Variants in LRBA observed in about 807,000 individuals in gnomAD.
The protein encoded by LRBA is lipopolysaccharide-responsive and beige-like anchor protein.
Under a neutral mutation model 330.0 loss-of-function variants are expected in LRBA, and 176 were observed. The observed-to-expected ratio is 0.53, with a 90% CI of 0.47 to 0.60. The LOEUF is 0.60. Ranked by LOEUF, LRBA falls within the 20% of genes least tolerant of loss-of-function variation. LRBA has a pLI of 0.00. For missense variants in LRBA, 3,259 were observed against 3,444.8 expected, an observed-to-expected ratio of 0.95 and a Z score of 1.35; for synonymous variants, 1,230 against 1,193.0, an observed-to-expected ratio of 1.03 and a Z score of -0.64.
chr4:150,571,899 G>C (rs1013816408), intron 40 of LRBA, among the ~76,000 whole-genome samples: 12 of 151,048 alleles, frequency 7.9e-5, no homozygotes, highest in African/African-American at 2.7e-4. Flanking sequence ...GCATGTGATA[G>C]TTTGCAAGGG....
intron 40 of LRBA, 113 bp from the exon 41 acceptor site, chr4:150,491,148 A>C: frequency 2.1e-6 from 1 of 471,952 alleles, no homozygotes; most frequent in East Asian, 3.2e-5. Flanking sequence ...TTTTAAGAAA[A>C]AGGATTTAAT....
chr4:150,972,688 T>C (rs1739716996), intron 2 of LRBA, among the ~76,000 whole-genome samples: 1 of 152,268 alleles, frequency 6.6e-6, no homozygotes, highest in Non-Finnish European at 1.5e-5. Flanking sequence ...CATGTACTAC[T>C]TTAAGACTAA....
At chr4:150,953,350 C>CCTCTCCCT (rs1194018696) in intron 2 of LRBA, among the ~76,000 whole-genome samples, 4 of 150,748 alleles carry the variant, frequency 2.7e-5, no homozygotes, top group Admixed American at 2.0e-4. Flanking sequence ...AGAATAGCTC[C>CCTCTCCCT]CTCTCCCTCT....
intron 40 of LRBA, among the ~76,000 whole-genome samples, chr4:150,513,823 C>T (rs977800077): frequency 6.6e-6 from 1 of 152,162 alleles, no homozygotes; most frequent in African/African-American, 2.4e-5. Flanking sequence ...GATTCAGTCA[C>T]ACTGGGGGTT....
intron 40 of LRBA, among the ~76,000 whole-genome samples, chr4:150,558,712 G>A (rs1767656332): frequency 6.6e-6 from 1 of 152,228 alleles, no homozygotes; most frequent in East Asian, 1.9e-4. Context: ...ACACCCTGGT[G>A]AACAAAGCTA....
chr4:150,412,661 T>C (rs1388844523), intron 47 of LRBA, among the ~76,000 whole-genome samples: 1 of 152,100 alleles, frequency 6.6e-6, no homozygotes, highest in Non-Finnish European at 1.5e-5. Flanking sequence ...GTAAACATAC[T>C]AACAAACTTC....
At chr4:150,730,046 CA>C (rs149131732) in intron 36 of LRBA, among the ~76,000 whole-genome samples, 2 of 151,802 alleles carry the variant, frequency 1.3e-5, no homozygotes, top group African/African-American at 2.4e-5. Flanking sequence ...GAAACTACTA[CA>C]AAAAAAACTG....
At chr4:150,286,552 T>TG (rs1350158131) in intron 53 of LRBA, among the ~76,000 whole-genome samples, 4 of 152,096 alleles carry the variant, frequency 2.6e-5, no homozygotes, top group Admixed American at 2.0e-4. Context: ...TGTATTTTTC[T>TG]GATATATAAA....
At chr4:150,403,538 TCTTCTTCTTCCCCTTCTCCTTTCC>T (rs1938251422) in intron 47 of LRBA, among the ~76,000 whole-genome samples, 1 of 152,138 alleles carries the variant, frequency 6.6e-6, no homozygotes, top group Non-Finnish European at 1.5e-5. Context: ...CTCTCTTTCT[TCTTCTTCTTCCCCTTCTCCTTTCC>T]CTTCTCCTTC....
intron 2 of LRBA, among the ~76,000 whole-genome samples, chr4:150,988,324 T>C (rs1460957385): frequency 6.6e-6 from 1 of 152,210 alleles, no homozygotes; most frequent in African/African-American, 2.4e-5. Flanking sequence ...CAATTTCATA[T>C]AAACTTTGGC....
intron 28 of LRBA, among the ~76,000 whole-genome samples, chr4:150,841,584 A>G (rs1289857367): frequency 6.6e-6 from 1 of 152,098 alleles, no homozygotes; most frequent in Non-Finnish European, 1.5e-5. Flanking sequence ...TCTTTACCTC[A>G]AGGTAGAAAT....
intron 40 of LRBA, among the ~76,000 whole-genome samples, chr4:150,550,444 A>T (rs1203555755): frequency 6.6e-6 from 1 of 152,210 alleles, no homozygotes; most frequent in East Asian, 1.9e-4. Flanking sequence ...TTATTAAAGC[A>T]TATTTAGAAT....
At chr4:150,315,973 T>G (rs1262570961) in intron 50 of LRBA, among the ~76,000 whole-genome samples, 1 of 152,142 alleles carries the variant, frequency 6.6e-6, no homozygotes, top group African/African-American at 2.4e-5. Flanking sequence ...TAGCAAATAC[T>G]ATTTTTTTGT....
chr4:150,489,574 AGAATATATAATATAT>A (rs1758590395), intron 41 of LRBA, among the ~76,000 whole-genome samples: 1 of 75,316 alleles, frequency 1.3e-5, no homozygotes, highest in South Asian at 4.4e-4. Flanking sequence ...ATTATATATA[AGAATATATAATATAT>A]TATATAAGAA....
intron 37 of LRBA, among the ~76,000 whole-genome samples, chr4:150,617,952 C>T (rs1367096307): frequency 1.3e-5 from 2 of 152,036 alleles, no homozygotes; most frequent in Non-Finnish European, 2.9e-5. Context: ...ACAAAAAATA[C>T]AAAAAGCTGA....
At chr4:150,469,295 G>T (rs756022707) in intron 43 of LRBA, among the ~76,000 whole-genome samples, 9 of 152,014 alleles carry the variant, frequency 5.9e-5, no homozygotes, top group Non-Finnish European at 1.0e-4. Flanking sequence ...TAATGTAAAA[G>T]AAATCTTAAG....
chr4:150,515,423 T>C (rs916748684), intron 40 of LRBA, among the ~76,000 whole-genome samples: 1 of 152,184 alleles, frequency 6.6e-6, no homozygotes, highest in Non-Finnish European at 1.5e-5. Flanking sequence ...AAAGACTTTT[T>C]ACCAGAAACC....
chr4:150,872,614 A>G, intron 18 of LRBA, 49 bp downstream of exon 18: 1 of 1,219,486 alleles, frequency 8.2e-7, no homozygotes, highest in Non-Finnish European at 1.2e-6. Flanking sequence ...AGATTTATAA[A>G]ATAAATAAGT....
chr4:150,270,320 CCAT>C (rs1745897836), intron 56 of LRBA, among the ~76,000 whole-genome samples: 2 of 152,202 alleles, frequency 1.3e-5, no homozygotes, highest in African/African-American at 4.8e-5. Context: ...ACCCAAGTGT[CCAT>C]CATCAACAGG....
Sources: allele counts gnomAD v4.1 joint callset (sites outside exome capture counted in the v4.1 genomes callset), GRCh38; gene constraint gnomAD v4.1.1; transcripts MANE v1.5; gene names NCBI Gene and HGNC (gene_info 2026-07-23, HGNC 2026-07-21).